Variants in NAALADL2 observed in about 807,000 individuals in gnomAD.
The protein encoded by NAALADL2 is N-acetylated alpha-linked acidic dipeptidase like 2, also known as inactive N-acetylated-alpha-linked acidic dipeptidase-like protein 2.
Under a neutral mutation model 87.2 loss-of-function variants are expected in NAALADL2, and 76 were observed. The ratio of observed to expected loss-of-function variants is 0.87; its 90% CI spans 0.72 to 1.05. The LOEUF (loss-of-function observed/expected upper bound fraction) is 1.05. Ranked by LOEUF, NAALADL2 falls within the 50% of genes least tolerant of loss-of-function variation. The probability of loss-of-function intolerance (pLI) is 0.00; values close to 1 mark genes in which losing one functional copy is unlikely to be tolerated. For missense variants in NAALADL2, 1,089 were observed against 945.8 expected, an observed-to-expected ratio of 1.15 and a Z score of -1.99; for synonymous variants, 354 against 331.0, an observed-to-expected ratio of 1.07 and a Z score of -0.75.
At chr3:174,719,223 T>C (rs1367635589) in intron 2 of NAALADL2, among the ~76,000 whole-genome samples, 3 of 152,218 alleles carry the variant, frequency 2.0e-5, no homozygotes, top group African/African-American at 2.4e-5. Context: ...ACCTCTCATA[T>C]AGATGGCACT....
intron 2 of NAALADL2, among the ~76,000 whole-genome samples, chr3:174,696,014 A>G (rs1728978798): frequency 6.6e-6 from 1 of 152,062 alleles, no homozygotes. Context: ...AGATTTTTCC[A>G]GGCTAAAATG....
At chr3:174,733,888 A>T (rs938613849) in intron 2 of NAALADL2, among the ~76,000 whole-genome samples, 2 of 152,130 alleles carry the variant, frequency 1.3e-5, no homozygotes, top group Non-Finnish European at 2.9e-5. Context: ...CACTTTCTGG[A>T]TGTGGTGATC....
chr3:174,582,041 GAGAT>G (rs1450572684), intron 2 of NAALADL2, among the ~76,000 whole-genome samples: 11 of 152,190 alleles, frequency 7.2e-5, no homozygotes, highest in African/African-American at 1.7e-4. Flanking sequence ...AAGAATGGCT[GAGAT>G]AGATAGATAG....
chr3:175,571,159 C>T (rs1421482466), intron 9 of NAALADL2, among the ~76,000 whole-genome samples: 3 of 152,124 alleles, frequency 2.0e-5, no homozygotes, highest in Admixed American at 6.5e-5. Flanking sequence ...TTTTATCTTA[C>T]ATGATCATTT....
At chr3:175,126,821 AT>A (rs1254156580) in intron 2 of NAALADL2, among the ~76,000 whole-genome samples, 1 of 148,578 alleles carries the variant, frequency 6.7e-6, no homozygotes, top group East Asian at 2.0e-4. Flanking sequence ...GGGATTAAGT[AT>A]TTTTCCCAAG....
At chr3:175,717,803 A>ATTTTT (rs10575051) in intron 11 of NAALADL2, among the ~76,000 whole-genome samples, 5 of 117,900 alleles carry the variant, frequency 4.2e-5, no homozygotes, top group Non-Finnish European at 5.0e-5. Flanking sequence ...AAGAGAGCAG[A>ATTTTT]TTTTTTTTTT....
chr3:174,667,428 T>C (rs1217926103), intron 2 of NAALADL2, among the ~76,000 whole-genome samples: 2 of 151,904 alleles, frequency 1.3e-5, no homozygotes. Flanking sequence ...GGGGAGGAAG[T>C]GAGCAGGTGG....
At chr3:175,802,933 T>G in intron 13 of NAALADL2, 72 bp from the exon 14 acceptor site, 1 of 942,834 alleles carries the variant, frequency 1.1e-6, no homozygotes, top group Non-Finnish European at 1.6e-6. Context: ...CTCTTAGAAA[T>G]ATTCATTCCA....
At chr3:174,565,250 A>G (rs974868149) in intron 2 of NAALADL2, among the ~76,000 whole-genome samples, 2 of 152,062 alleles carry the variant, frequency 1.3e-5, no homozygotes, top group Non-Finnish European at 2.9e-5. Context: ...AAACATGTAT[A>G]ATGACATGTA....
At chr3:174,898,478 A>G (rs1364054555) in intron 1 of NAALADL2, among the ~76,000 whole-genome samples, 1 of 152,068 alleles carries the variant, frequency 6.6e-6, no homozygotes, top group Non-Finnish European at 1.5e-5. Context: ...ACTTAATGGT[A>G]TGTTTTAAAA....
chr3:175,131,882 C>T (rs1411546811), intron 2 of NAALADL2, among the ~76,000 whole-genome samples: 1 of 67,182 alleles, frequency 1.5e-5, no homozygotes, highest in Non-Finnish European at 2.8e-5. Context: ...GACCCCCCCA[C>T]CTCCCTCCCA....
chr3:174,761,610 T>A (rs1003278263), intron 3 of NAALADL2, among the ~76,000 whole-genome samples: 1 of 152,190 alleles, frequency 6.6e-6, no homozygotes, highest in African/African-American at 2.4e-5. Context: ...AATTACTTTT[T>A]AAGAAAAATT....
chr3:175,333,231 G>A lies in NAALADL2; in HGVS notation c.1090+8906G>A, dbSNP rs73184764. On this transcript the variant is annotated intron_variant, in intron 5 of 13. Coordinates refer to ENST00000454872, the MANE Select transcript of NAALADL2 (RefSeq NM_207015.3). Reference sequence around the variant, plus strand: ...GTAGATGTCAGCTGTGGTGGTGGTGGCAGGTTGGGTGAATCCGATCTCAGG... The same window carrying A: ...GTAGATGTCAGCTGTGGTGGTGGTGACAGGTTGGGTGAATCCGATCTCAGG... Among the ~76,000 whole-genome samples the A allele has an allele frequency of 5.2e-3, 797 of 152,270 alleles. 3 individuals carry two copies. Among genetic ancestry groups the A allele is most frequent in the Non-Finnish European group, 8.3e-3 (562 of 68,018 alleles).
chr3:174,591,319 A>C (rs1402326101), intron 2 of NAALADL2, among the ~76,000 whole-genome samples: 1 of 152,184 alleles, frequency 6.6e-6, no homozygotes, highest in Non-Finnish European at 1.5e-5. Context: ...GGCTGGACAA[A>C]TAGAAAAGAA....
chr3:174,701,198 TATA>T (rs753016161), intron 2 of NAALADL2, among the ~76,000 whole-genome samples: 68 of 151,104 alleles, frequency 4.5e-4, no homozygotes, highest in Admixed American at 8.6e-4. Flanking sequence ...ATTTTATAAT[TATA>T]ATATTTCAAA....
intron 5 of NAALADL2, among the ~76,000 whole-genome samples, chr3:175,333,794 T>C (rs553835932): frequency 6.6e-6 from 1 of 152,234 alleles, no homozygotes; most frequent in African/African-American, 2.4e-5. Context: ...TTAACAACAA[T>C]GTATTTCATA....
chr3:175,743,849 G>T (rs1275969580), intron 12 of NAALADL2, among the ~76,000 whole-genome samples: 2 of 152,182 alleles, frequency 1.3e-5, no homozygotes, highest in African/African-American at 4.8e-5. Context: ...TGTGGCACAT[G>T]GTTGCTAGAA....
intron 13 of NAALADL2, among the ~76,000 whole-genome samples, chr3:175,785,097 A>T (rs995489762): frequency 5.3e-5 from 8 of 150,964 alleles, no homozygotes; most frequent in African/African-American, 1.2e-4. Context: ...GTTCTTTTAC[A>T]TTTGCTGAGG....
intron 4 of NAALADL2, among the ~76,000 whole-genome samples, chr3:175,299,377 T>C (rs1756757652): frequency 6.6e-6 from 1 of 152,232 alleles, no homozygotes; most frequent in African/African-American, 2.4e-5. Flanking sequence ...TAAATTACTT[T>C]GGCCAGTATG....
Sources: allele counts gnomAD v4.1 joint callset (sites outside exome capture counted in the v4.1 genomes callset), GRCh38; gene constraint gnomAD v4.1.1; transcripts MANE v1.5; gene names NCBI Gene and HGNC (gene_info 2026-07-23, HGNC 2026-07-21).